Variants in SYNPR observed in about 807,000 individuals in gnomAD.
SYNPR encodes synaptoporin.
A neutral mutation model predicts 32.9 loss-of-function variants in SYNPR; 23 were observed. The ratio of observed to expected loss-of-function variants is 0.70; its 90% CI spans 0.50 to 0.99. SYNPR has a LOEUF of 0.99. SYNPR is among the 50% of genes least tolerant of loss of function. The probability of loss-of-function intolerance (pLI) is 0.00; values close to 1 mark genes in which losing one functional copy is unlikely to be tolerated. For synonymous variants in SYNPR, 146 were observed against 135.9 expected, an observed-to-expected ratio of 1.07 and a Z score of -0.52; for missense variants, 318 against 349.3, an observed-to-expected ratio of 0.91 and a Z score of 0.71.
chr3:63,313,860 C>G (rs370515742), intron 2 of SYNPR, among the ~76,000 whole-genome samples: 688 of 8,860 alleles, frequency 0.078, no homozygotes, highest in Non-Finnish European at 0.11. Context: ...TATATATATC[C>G]ATATATATAT....
chr3:63,291,793 G>A (rs1382174651), intron 2 of SYNPR, among the ~76,000 whole-genome samples: 4 of 152,030 alleles, frequency 2.6e-5, no homozygotes, highest in East Asian at 1.9e-4. Flanking sequence ...GCAACAGTAC[G>A]TAAATTTGAA....
In SYNPR at chr3:63,368,783, T is replaced by A. The variant is rs150054681; in HGVS notation, c.84+90041T>A. Among the ~76,000 whole-genome samples, 523 of 152,220 alleles carry A rather than the reference T, an allele frequency of 3.4e-3. 5 individuals are homozygous for A. The highest frequency in any genetic ancestry group is 0.012 in the African/African-American group (499 of 41,532). On this transcript the variant is annotated intron_variant, in intron 2 of 5. Transcript: ENST00000478300. ...TTTGGCTGAAGAAGTTTATTGACAG[T>A]TTTGGAAAGAGGTATTTTATTTATA...
At position 63,528,363 on chromosome 3, in the gene SYNPR, G is replaced by A. The variant is rs146434663; in HGVS notation, c.210-28180G>A. Among the ~76,000 whole-genome samples the A allele has an allele frequency of 3.1e-3, 472 of 152,272 alleles. 3 individuals are homozygous for A. The highest frequency in any genetic ancestry group is 0.011 in the African/African-American group (444 of 41,560). On this transcript the variant is annotated intron_variant, in intron 3 of 5. Transcript: ENST00000478300. ...AACTCTGCACTGTTAATATTCAAGA[G>A]GGCCATGCAATATGCAACAATTCCA...
At chr3:63,278,576 C>T (rs2086598035) in intron 1 of SYNPR, 25 bp downstream of exon 1, 2 of 1,551,008 alleles carry the variant, frequency 1.3e-6, no homozygotes, top group African/African-American at 2.7e-5. Flanking sequence ...GGCAGGGCGG[C>T]TGGCTGGGAG....
chr3:63,246,919 C>T (rs1360215206), intron 1 of SYNPR, among the ~76,000 whole-genome samples: 2 of 151,934 alleles, frequency 1.3e-5, no homozygotes, highest in East Asian at 3.9e-4. Context: ...CCAGCATTAT[C>T]GTAAACATTA....
intron 4 of SYNPR, among the ~76,000 whole-genome samples, chr3:63,563,608 T>C (rs973003735): frequency 2.0e-5 from 3 of 152,280 alleles, no homozygotes; most frequent in Middle Eastern, 3.4e-3. Flanking sequence ...TTCTCCTCTC[T>C]CCTGTTTATG....
chr3:63,408,319 G>GGAAA (rs1214316826), intron 2 of SYNPR, among the ~76,000 whole-genome samples: 1,223 of 16,724 alleles, frequency 0.073, 169 homozygotes, highest in Middle Eastern at 0.14. Context: ...AAGGAAGGAA[G>GGAAA]GAAAGAAAGA....
Position 63,540,696 on chromosome 3 carries a change from T to A in SYNPR, c.210-15847T>A, listed in dbSNP as rs184281487. On this transcript the variant is annotated intron_variant, in intron 3 of 5. Coordinates refer to ENST00000478300, the MANE Select transcript of SYNPR (RefSeq NM_001130003.2). ...ATACAATATTGTGTATAACTCTATG[T>A]TCACTAGACAAATATGTATTGGGCA... is the stretch of plus-strand genomic sequence containing the variant. Among the ~76,000 whole-genome samples the A allele has an allele frequency of 3.3e-5, 5 of 152,170 alleles. No homozygotes were observed. The East Asian group carries it at 9.7e-4, about 29-fold the overall frequency.
intron 2 of SYNPR, among the ~76,000 whole-genome samples, chr3:63,456,152 C>T (rs1700477167): frequency 6.6e-6 from 1 of 152,034 alleles, no homozygotes; most frequent in South Asian, 2.1e-4. Context: ...AGGGGAAAGA[C>T]TTATCTCCAT....
the SYNPR span, among the ~76,000 whole-genome samples, chr3:63,209,941 G>A: frequency 6.6e-6 from 1 of 152,080 alleles, no homozygotes; most frequent in Non-Finnish European, 1.5e-5. Context: ...GGGTGCTTGA[G>A]AAATATTTGT....
intron 4 of SYNPR, among the ~76,000 whole-genome samples, chr3:63,582,280 G>T (rs538865955): frequency 2.0e-5 from 3 of 152,002 alleles, no homozygotes; most frequent in African/African-American, 7.2e-5. Context: ...GGGAATCAGG[G>T]GTCCTCTTTA....
At chr3:63,524,591 G>T (rs928945194) in intron 3 of SYNPR, among the ~76,000 whole-genome samples, 1 of 152,010 alleles carries the variant, frequency 6.6e-6, no homozygotes, top group Non-Finnish European at 1.5e-5. Flanking sequence ...TGACCCTTTC[G>T]CCCTGATGCC....
chr3:63,530,775 TC>T (rs986311530), intron 3 of SYNPR, among the ~76,000 whole-genome samples: 1 of 152,134 alleles, frequency 6.6e-6, no homozygotes. Context: ...CACAACTGTC[TC>T]CAGTTTTAAG....
At chr3:63,315,511 G>C (rs974273208) in intron 2 of SYNPR, among the ~76,000 whole-genome samples, 1 of 151,854 alleles carries the variant, frequency 6.6e-6, no homozygotes. Flanking sequence ...TTGTAAAAGG[G>C]GTTGAGTTCT....
the SYNPR span, among the ~76,000 whole-genome samples, chr3:63,223,279 T>C: frequency 7.2e-6 from 1 of 139,234 alleles, no homozygotes; most frequent in East Asian, 2.0e-4. Context: ...TCATAATGTC[T>C]ACCAAAGACC....
At chr3:63,314,955 T>C (rs2087025465) in intron 2 of SYNPR, among the ~76,000 whole-genome samples, 1 of 152,088 alleles carries the variant, frequency 6.6e-6, no homozygotes, top group Non-Finnish European at 1.5e-5. Flanking sequence ...TGCATGTGCC[T>C]AGCCAATTAT....
At chr3:63,494,132 A>T (rs1701310823) in intron 3 of SYNPR, among the ~76,000 whole-genome samples, 1 of 151,684 alleles carries the variant, frequency 6.6e-6, no homozygotes, top group Admixed American at 6.6e-5. Context: ...AAACAAATGG[A>T]TGTTTTTATT....
chr3:63,454,986 A>T (rs938496069), intron 2 of SYNPR, among the ~76,000 whole-genome samples: 5 of 152,128 alleles, frequency 3.3e-5, no homozygotes, highest in African/African-American at 9.7e-5. Context: ...TCCAAACTCA[A>T]CTTTACTTAA....
chr3:63,613,610 CAAAAAAAAAAAAAAAAAA>C (rs10566584), intron 5 of SYNPR, among the ~76,000 whole-genome samples: 2,591 of 46,226 alleles, frequency 0.056, 143 homozygotes, highest in African/African-American at 0.19. Context: ...TATGCTGCAG[CAAAAAAAAAAAAAAAAAA>C]AAAAAAAAAA....
Sources: gnomAD v4.1 joint callset for allele counts (sites outside exome capture counted in the v4.1 genomes callset) on GRCh38, gnomAD v4.1.1 for gene constraint, MANE v1.5 for transcripts, NCBI Gene and HGNC (gene_info 2026-07-23, HGNC 2026-07-21) for gene names.